The following RAP1GAP2 variants were observed in gnomAD, a reference collection of about 807,000 sequenced individuals.
RAP1GAP2 encodes the protein RAP1 GTPase activating protein 2, also known as rap1 GTPase-activating protein 2.
RAP1GAP2 carries 27 observed loss-of-function variants against 95.0 expected under a neutral mutation model. The ratio of observed to expected loss-of-function variants is 0.28; its 90% CI spans 0.21 to 0.39. RAP1GAP2 has a LOEUF of 0.39. Ranked by LOEUF, RAP1GAP2 falls within the 10% of genes least tolerant of loss-of-function variation. The pLI is 1.00. For missense variants in RAP1GAP2, 771 were observed against 970.0 expected (o/e 0.79, Z 2.72); for synonymous variants, 373 against 380.9 (o/e 0.98, Z 0.24).
chr17:2,889,890 T>TATATATATATATATATATA (rs1491260344), intron 2 of RAP1GAP2, among the ~76,000 whole-genome samples: 3 of 29,620 alleles, frequency 1.0e-4, no homozygotes, highest in African/African-American at 4.5e-4. Flanking sequence ...TATATATATA[T>TATATATATATATATATATA]TTTTTTTTTT....
At chr17:2,888,737 C>T (rs868227422) in intron 2 of RAP1GAP2, among the ~76,000 whole-genome samples, 6 of 150,910 alleles carry the variant, frequency 4.0e-5, no homozygotes, top group South Asian at 2.1e-4. Context: ...CTGCAACCTC[C>T]GCCTCCCGGG....
intron 2 of RAP1GAP2, among the ~76,000 whole-genome samples, chr17:2,900,669 T>G (rs966673050): frequency 3.9e-4 from 59 of 152,148 alleles, no homozygotes; most frequent in African/African-American, 1.3e-3. Context: ...CTCGAACTCC[T>G]GACCTCAGGT....
intron 4 of RAP1GAP2, among the ~76,000 whole-genome samples, chr17:2,958,801 G>A (rs577534930): frequency 3.5e-4 from 53 of 152,158 alleles, no homozygotes; most frequent in African/African-American, 1.2e-3. Context: ...CAGCACCCAC[G>A]GCAGTCCTGA....
At chr17:2,836,386 C>T (rs1268101895) in intron 2 of RAP1GAP2, among the ~76,000 whole-genome samples, 1 of 152,130 alleles carries the variant, frequency 6.6e-6, no homozygotes, top group Non-Finnish European at 1.5e-5. Flanking sequence ...AATCTCAGGA[C>T]TTGGGGAGGC....
chr17:2,757,766 G>C (rs2071172531), intron 1 of RAP1GAP2, among the ~76,000 whole-genome samples: 1 of 152,164 alleles, frequency 6.6e-6, no homozygotes, highest in African/African-American at 2.4e-5. Flanking sequence ...AATAGGAAGA[G>C]ATTTAAGGCG....
intron 2 of RAP1GAP2, among the ~76,000 whole-genome samples, chr17:2,858,282 T>G (rs371050270): frequency 2.6e-5 from 4 of 152,148 alleles, no homozygotes; most frequent in Admixed American, 1.3e-4. Context: ...TCTCTCATCA[T>G]TTAGCAAATT....
chr17:2,861,852 C>T (rs527877241), intron 2 of RAP1GAP2, among the ~76,000 whole-genome samples: 2 of 152,262 alleles, frequency 1.3e-5, no homozygotes, highest in Non-Finnish European at 1.5e-5. Flanking sequence ...GACGGGGTTT[C>T]ACCATGTTGG....
intron 8 of RAP1GAP2, among the ~76,000 whole-genome samples, chr17:2,978,998 A>T (rs1416178083): frequency 1.4e-5 from 2 of 142,264 alleles, no homozygotes; most frequent in Non-Finnish European, 3.1e-5. Flanking sequence ...ATAAATAAAT[A>T]AAAAAAATAA....
At chr17:2,992,094 A>G (rs973217241) in intron 12 of RAP1GAP2, among the ~76,000 whole-genome samples, 10 of 151,838 alleles carry the variant, frequency 6.6e-5, no homozygotes, top group African/African-American at 2.4e-4. Context: ...ATAATACACA[A>G]AGAATGCATC....
rs549183815 is a variant in RAP1GAP2 at position 3,020,531 on chromosome 17, C to T, written c.1687C>T (p.Arg563Cys). 1.9e-5 allele frequency: 31 copies of T among 1,613,886 alleles called. No individual in the cohort carries two copies. Among genetic ancestry groups the T allele is most frequent in the Middle Eastern group, 1.7e-4 (1 of 6,060 alleles). The change falls in exon 19 of 25, where the codon CGC (arginine) becomes TGC (cysteine). Residue 563 changes from arginine (R) to cysteine (C), a missense_variant. Arg to Cys is a radical substitution (Grantham distance 180). Coordinates refer to ENST00000254695, the MANE Select transcript of RAP1GAP2 (RefSeq NM_015085.5). ...KNQSRSPIKR[R>C]SGLFPRLHTG... ...CCAGTCACGGAGTCCCATCAAGCGA[C>T]GCTCGGGGCTCTTCCCCCGCCTGCA...
In RAP1GAP2 at chr17:2,800,615, C is replaced by T. The variant is rs531523713; in HGVS notation, c.80+65C>T. ...CGCGGATCAGAGCGCCGGGCCCTTGCTCCCCCCAGGTTGTGGGAGACACAA... is the reference window on the plus strand; with the variant it reads ...CGCGGATCAGAGCGCCGGGCCCTTGTTCCCCCCAGGTTGTGGGAGACACAA... On this transcript the variant is annotated intron_variant, in intron 2 of 24. Coordinates refer to ENST00000254695, the MANE Select transcript of RAP1GAP2 (RefSeq NM_015085.5). The T allele has an allele frequency of 1.6e-5, 25 of 1,537,482 alleles. No individual in the cohort carries two copies. The Admixed American group carries it at 3.2e-4, about 20-fold the overall frequency.
Position 2,919,547 on chromosome 17 carries a change from C to T in RAP1GAP2, c.165+14179C>T, listed in dbSNP as rs974199249. ...ACAGATGCTGACCTTGTGGGGAACA[C>T]GGGAAGTGGGGGCAGGGCCTAAAAG... On this transcript the variant is annotated intron_variant, in intron 3 of 24. Transcript: ENST00000254695. 3.3e-5 allele frequency among the ~76,000 whole-genome samples: 5 copies of T among 150,184 alleles called. No homozygotes were observed. In the South Asian group the frequency reaches 6.3e-4, roughly 19 times the overall value.
intron 2 of RAP1GAP2, among the ~76,000 whole-genome samples, chr17:2,821,801 T>A (rs986066414): frequency 1.2e-4 from 19 of 152,014 alleles, no homozygotes; most frequent in Non-Finnish European, 2.5e-4. Flanking sequence ...ACAACGCAGG[T>A]ACAGAACATT....
intron 2 of RAP1GAP2, among the ~76,000 whole-genome samples, chr17:2,891,752 G>A (rs1273899772): frequency 6.8e-6 from 1 of 147,818 alleles, no homozygotes; most frequent in Non-Finnish European, 1.5e-5. Flanking sequence ...TAACATCATT[G>A]CCTACTAGAT....
intron 2 of RAP1GAP2, among the ~76,000 whole-genome samples, chr17:2,836,226 C>T (rs1054118038): frequency 6.6e-6 from 1 of 151,560 alleles, no homozygotes; most frequent in African/African-American, 2.4e-5. Context: ...ACTATGTTCA[C>T]TAACTAGGTT....
rs566757630 is a variant in RAP1GAP2, at chr17:3,033,837, C to A, written c.*476C>A. The stretch of plus-strand genomic sequence containing the variant: ...CAGGCTTTACTACCAGGAACGCACT[C>A]GGTGGTGGAGGCCCCATGTTCCCAG... On this transcript the variant is annotated 3_prime_UTR_variant, in exon 25 of 25. Transcript: ENST00000254695. The surrounding 1 kb of genome is among the most constrained non-coding windows in gnomAD (Gnocchi z 4.9). 1 of 152,240 alleles carries A rather than the reference C, an allele frequency of 6.6e-6. No homozygotes were observed. Among genetic ancestry groups the A allele is most frequent in the Admixed American group, 6.5e-5 (1 of 15,280 alleles). 9.4% of individuals were successfully genotyped at this position (152,240 alleles called of 1,614,324 possible).
intron 3 of RAP1GAP2, among the ~76,000 whole-genome samples, chr17:2,907,565 G>C (rs546654398): frequency 3.9e-5 from 6 of 152,094 alleles, no homozygotes; most frequent in African/African-American, 1.2e-4. Context: ...GTTAGGAGGT[G>C]GGGGGACTCT....
rs148956546 is a variant in RAP1GAP2, at chr17:2,870,654, T to G, written c.81-34630T>G. On this transcript the variant is annotated intron_variant, in intron 2 of 24. Coordinates refer to ENST00000254695, the MANE Select transcript of RAP1GAP2 (RefSeq NM_015085.5). The surrounding 1 kb of genome is among the most constrained non-coding windows in gnomAD (Gnocchi z 4.4). ...CTGCATCTACGTCTGTTTCTCTGTA[T>G]TGTAACAAAGGCGGGATTATACTTT... Among the ~76,000 whole-genome samples, 2 of 152,356 alleles carry G rather than the reference T, an allele frequency of 1.3e-5. No homozygotes were observed. The highest frequency in any genetic ancestry group is 3.9e-4 in the East Asian group (2 of 5,186).
chr17:2,993,264 G>C (rs2045833151), intron 12 of RAP1GAP2, among the ~76,000 whole-genome samples: 2 of 149,166 alleles, frequency 1.3e-5, no homozygotes, highest in Admixed American at 1.3e-4. Flanking sequence ...GCCCTAAAAG[G>C]TTTTGGGGGG....
Sources: allele counts gnomAD v4.1 joint callset (sites outside exome capture counted in the v4.1 genomes callset), GRCh38; gene constraint gnomAD v4.1.1; non-coding constraint Gnocchi (gnomAD v3.1); transcripts MANE v1.5; gene names NCBI Gene and HGNC (gene_info 2026-07-23, HGNC 2026-07-21).